STARD13: variants seen among roughly 807,000 people sequenced by gnomAD.
STARD13 encodes StAR related lipid transfer domain containing 13.
In STARD13, 62 loss-of-function variants were observed where a neutral mutation model predicts 106.4. The ratio of observed to expected loss-of-function variants is 0.58; its 90% CI spans 0.48 to 0.72. STARD13 has a LOEUF of 0.72. STARD13 is among the 30% of genes least tolerant of loss of function. The pLI, the probability that STARD13 is intolerant of heterozygous loss-of-function variation, is 0.00. For synonymous variants in STARD13, 565 were observed against 553.0 expected, an observed-to-expected ratio of 1.02 and a Z score of -0.31; for missense variants, 1,387 against 1,424.0, an observed-to-expected ratio of 0.97 and a Z score of 0.42.
At chr13:33,597,777 C>T in the STARD13 span, among the ~76,000 whole-genome samples, 1 of 151,628 alleles carries the variant, frequency 6.6e-6, no homozygotes, top group Non-Finnish European at 1.5e-5. Context: ...TCGTTTGAAT[C>T]TGGGAGGCAG....
chr13:33,435,378 C>T, the STARD13 span, among the ~76,000 whole-genome samples: 1 of 152,164 alleles, frequency 6.6e-6, no homozygotes, highest in East Asian at 1.9e-4. Context: ...TGATATATCT[C>T]AACTATGGAG....
the STARD13 span, among the ~76,000 whole-genome samples, chr13:33,641,561 G>T: frequency 6.6e-6 from 1 of 152,148 alleles, no homozygotes. Context: ...TGAGAGACAG[G>T]AGGGCAGGAG....
the STARD13 span, among the ~76,000 whole-genome samples, chr13:33,471,322 G>A: frequency 1.3e-5 from 2 of 152,198 alleles, no homozygotes; most frequent in African/African-American, 4.8e-5. Context: ...GTGCTGGAAA[G>A]GTCTTTCTGC....
intron 1 of STARD13, among the ~76,000 whole-genome samples, chr13:33,307,842 A>G (rs1892970448): frequency 6.6e-6 from 1 of 152,258 alleles, no homozygotes; most frequent in Admixed American, 6.5e-5. Context: ...TTTAAAAAAT[A>G]AATGAGAATA....
At chr13:33,119,643 C>T (rs1217457674) in intron 7 of STARD13, among the ~76,000 whole-genome samples, 1 of 152,194 alleles carries the variant, frequency 6.6e-6, no homozygotes, top group Non-Finnish European at 1.5e-5. Context: ...GGAAATTATA[C>T]ACTGCTACTT....
chr13:33,325,842 G>A (rs907895204), intron 1 of STARD13, among the ~76,000 whole-genome samples: 7 of 151,958 alleles, frequency 4.6e-5, no homozygotes, highest in Admixed American at 1.3e-4. Flanking sequence ...AAAATTAGCC[G>A]GGCATGGTGG....
chr13:33,528,141 A>G, the STARD13 span, among the ~76,000 whole-genome samples: 1 of 147,700 alleles, frequency 6.8e-6, no homozygotes, highest in Non-Finnish European at 1.5e-5. Flanking sequence ...TTAAACACAT[A>G]TCAAAGTTTT....
the STARD13 span, among the ~76,000 whole-genome samples, chr13:33,670,879 C>G: frequency 6.6e-6 from 1 of 152,212 alleles, no homozygotes; most frequent in Non-Finnish European, 1.5e-5. Flanking sequence ...AAATGCCCCA[C>G]TGAAGTTCAA....
the STARD13 span, among the ~76,000 whole-genome samples, chr13:33,641,500 T>C: frequency 3.9e-5 from 6 of 152,178 alleles, no homozygotes; most frequent in Non-Finnish European, 8.8e-5. Flanking sequence ...TGACCCACCT[T>C]GGGGAAGAGT....
intron 1 of STARD13, among the ~76,000 whole-genome samples, chr13:33,238,070 C>T (rs1889281644): frequency 6.6e-6 from 1 of 152,196 alleles, no homozygotes; most frequent in African/African-American, 2.4e-5. Context: ...TGAGTAGTTA[C>T]AGGTGACCTT....
chr13:33,134,806 A>G (rs574559), intron 4 of STARD13, among the ~76,000 whole-genome samples: 49,620 of 152,096 alleles, frequency 0.33, 8,801 homozygotes, highest in Non-Finnish European at 0.41. Context: ...TAAAAGTAAA[A>G]TATAATGACT....
At chr13:33,217,173 AATAGGGATCT>A (rs953692493) in intron 1 of STARD13, among the ~76,000 whole-genome samples, 1 of 152,164 alleles carries the variant, frequency 6.6e-6, no homozygotes, top group Non-Finnish European at 1.5e-5. Context: ...TGCTGGAGTC[AATAGGGATCT>A]GGCATGACAC....
At chr13:33,296,343 C>T (rs1160304229) in intron 1 of STARD13, among the ~76,000 whole-genome samples, 1 of 152,106 alleles carries the variant, frequency 6.6e-6, no homozygotes, top group Non-Finnish European at 1.5e-5. Flanking sequence ...CTCAAATCAT[C>T]TTGCATACCT....
chr13:33,148,916 A>G (rs1380974421), intron 3 of STARD13, among the ~76,000 whole-genome samples: 1 of 152,204 alleles, frequency 6.6e-6, no homozygotes, highest in Non-Finnish European at 1.5e-5. Context: ...AAAGACATAG[A>G]AGAAACTTAA....
chr13:33,438,539 T>C, the STARD13 span, among the ~76,000 whole-genome samples: 3 of 152,250 alleles, frequency 2.0e-5, no homozygotes, highest in African/African-American at 7.2e-5. Context: ...TAGTTGATGC[T>C]ACAAGCATTT....
chr13:33,608,118 A>T, the STARD13 span, among the ~76,000 whole-genome samples: 13 of 152,224 alleles, frequency 8.5e-5, no homozygotes, highest in East Asian at 2.5e-3. Context: ...TGTTGCTCAG[A>T]CTGGTCTGGA....
the STARD13 span, among the ~76,000 whole-genome samples, chr13:33,385,467 TAAAAAAAAAAAA>T: frequency 1.3e-5 from 1 of 76,478 alleles, no homozygotes; most frequent in Non-Finnish European, 2.7e-5. Context: ...CCCAGAATGG[TAAAAAAAAAAAA>T]AAAAAAAAAA....
At chr13:33,115,560 T>A (rs866418895) in intron 8 of STARD13, among the ~76,000 whole-genome samples, 2 of 152,188 alleles carry the variant, frequency 1.3e-5, no homozygotes, top group Non-Finnish European at 2.9e-5. Context: ...AGAAAACACA[T>A]GTTCTGCTCA....
intron 1 of STARD13, among the ~76,000 whole-genome samples, chr13:33,219,458 G>T (rs1244362371): frequency 6.9e-6 from 1 of 143,976 alleles, no homozygotes; most frequent in African/African-American, 2.6e-5. Flanking sequence ...GGTGGAGCTT[G>T]CAGTGAGCTG....
Sources: allele counts gnomAD v4.1 joint callset (sites outside exome capture counted in the v4.1 genomes callset), GRCh38; gene constraint gnomAD v4.1.1; transcripts MANE v1.5; gene names NCBI Gene and HGNC (gene_info 2026-07-23, HGNC 2026-07-21).